Variants in PFKFB3 observed in about 807,000 individuals in gnomAD.
PFKFB3 encodes 6-phosphofructo-2-kinase/fructose-2,6-biphosphatase 3.
A neutral mutation model predicts 68.0 loss-of-function variants in PFKFB3; 33 were observed. The observed-to-expected ratio is 0.49, with a 90% confidence interval of 0.37 to 0.65. The LOEUF (loss-of-function observed/expected upper bound fraction) is 0.65, where lower values mean the gene tolerates loss of function less well. Among genes scored for constraint, PFKFB3 ranks in the 30% least tolerant of loss-of-function variants. PFKFB3 has a pLI of 0.00. For missense variants in PFKFB3, 586 were observed against 712.2 expected, an observed-to-expected ratio of 0.82 and a Z score of 2.02; for synonymous variants, 315 against 288.2, an observed-to-expected ratio of 1.09 and a Z score of -0.94.
At chr10:6,180,097 C>A (rs998271033) in intron 1 of PFKFB3, among the ~76,000 whole-genome samples, 5 of 152,074 alleles carry the variant, frequency 3.3e-5, no homozygotes, top group African/African-American at 9.7e-5. Flanking sequence ...AATCCCAGCA[C>A]TTTGGGAGGC....
At chr10:6,146,419 C>A (rs1361266576) in intron 1 of PFKFB3, 4 of 1,535,564 alleles carry the variant, frequency 2.6e-6, no homozygotes, top group Non-Finnish European at 3.5e-6. Context: ...AGCCAGCAAG[C>A]AGGGGCTCTG....
chr10:6,205,495 C>T (rs1185226642), intron 1 of PFKFB3, among the ~76,000 whole-genome samples: 4 of 143,200 alleles, frequency 2.8e-5, no homozygotes, highest in African/African-American at 5.2e-5. Flanking sequence ...GGGTTTCAAG[C>T]GATTCTCGTG....
At chr10:6,296,344 C>G in the PFKFB3 span, among the ~76,000 whole-genome samples, 2 of 151,816 alleles carry the variant, frequency 1.3e-5, no homozygotes, top group African/African-American at 4.8e-5. Flanking sequence ...GACTCTCAGA[C>G]CTAGTTTAGA....
At chr10:6,198,180 A>G (rs1372748774), upstream of PFKFB3, among the ~76,000 whole-genome samples, 1 of 150,574 alleles carries the variant, frequency 6.6e-6, no homozygotes, top group Admixed American at 6.7e-5. Flanking sequence ...TGAGAGGCGG[A>G]GGTGGCAGTA....
chr10:6,146,639 G>A lies in PFKFB3; in HGVS notation c.16+1626G>A, dbSNP rs1396727307. On this transcript the variant is annotated intron_variant, in intron 1 of 14. Coordinates refer to the PFKFB3 transcript ENST00000379789. ...ACTTTTGTCGATGTAGGCTCTGGTT[G>A]GGAAACTCCTAAAAGGGACAGACTT... is the stretch of plus-strand genomic sequence containing the variant. 6 of 812,682 alleles carry A rather than the reference G, an allele frequency of 7.4e-6. No homozygotes were observed. The Admixed American group carries it at 8.0e-5, about 11-fold the overall frequency. 50.3% of individuals were successfully genotyped at this position (812,682 alleles called of 1,614,324 possible).
chr10:6,176,800 G>A (rs1235524786), intron 1 of PFKFB3, among the ~76,000 whole-genome samples: 2 of 152,182 alleles, frequency 1.3e-5, no homozygotes, highest in African/African-American at 4.8e-5. Flanking sequence ...GCTGTCTCCG[G>A]TTCCACTTTC....
In PFKFB3 at chr10:6,203,162, G is replaced by C; in HGVS notation, c.-99G>C. On this transcript the variant is annotated 5_prime_UTR_variant, in exon 1 of 15. Transcript: ENST00000379775. ...AACGCCCGGCCGCGCGCCGGCGCAC[G>C]CCCCCCTCTCCTCCTTTGTTCCGGG... 6.6e-7 allele frequency: 1 copy of C among 1,515,254 alleles called. No homozygotes were observed. The highest frequency in any genetic ancestry group is 8.8e-7 in the Non-Finnish European group (1 of 1,134,196). 93.9% of individuals were successfully genotyped at this position (1,515,254 alleles called of 1,614,324 possible).
At chr10:6,237,057 C>T (rs1846028314), downstream of PFKFB3, among the ~76,000 whole-genome samples, 1 of 152,236 alleles carries the variant, frequency 6.6e-6, no homozygotes, top group Non-Finnish European at 1.5e-5. Flanking sequence ...TTCGAACTTG[C>T]CAACGTGCAC....
At chr10:6,296,403 T>G in the PFKFB3 span, among the ~76,000 whole-genome samples, 2 of 152,330 alleles carry the variant, frequency 1.3e-5, no homozygotes, top group South Asian at 4.1e-4. Flanking sequence ...GAGAGGGTTC[T>G]TGGATCTCAC....
intron 1 of PFKFB3, among the ~76,000 whole-genome samples, chr10:6,153,176 AAAAGAAAG>A (rs57247558): frequency 0.44 from 47,609 of 107,690 alleles, 8,332 homozygotes; most frequent in South Asian, 0.58. Flanking sequence ...TGTCTCAGAA[AAAAGAAAG>A]AAAGAAAGAA....
At chr10:6,251,271 G>A (rs905634205) in intron 14 of PFKFB3, among the ~76,000 whole-genome samples, 3 of 152,148 alleles carry the variant, frequency 2.0e-5, no homozygotes, top group African/African-American at 7.2e-5. Flanking sequence ...CCCTTAGTCT[G>A]TGGCAAAACC....
At chr10:6,268,944 G>A in the PFKFB3 span, among the ~76,000 whole-genome samples, 6 of 146,256 alleles carry the variant, frequency 4.1e-5, no homozygotes, top group Non-Finnish European at 8.9e-5. Flanking sequence ...GATCACCTGA[G>A]CCCAGGAAGT....
At chr10:6,190,376 A>G (rs1358241367) in intron 1 of PFKFB3, among the ~76,000 whole-genome samples, 1 of 152,092 alleles carries the variant, frequency 6.6e-6, no homozygotes, top group Non-Finnish European at 1.5e-5. Flanking sequence ...TTGATATTCT[A>G]CTCTAAGGAA....
At chr10:6,219,457 T>G in intron 6 of PFKFB3, 112 bp from the exon 7 acceptor site, 1 of 1,172,436 alleles carries the variant, frequency 8.5e-7, no homozygotes. Flanking sequence ...GGCCGGATAA[T>G]CTTTATACTG....
the PFKFB3 span, among the ~76,000 whole-genome samples, chr10:6,281,346 A>G: frequency 1.3e-5 from 2 of 151,842 alleles, no homozygotes; most frequent in South Asian, 2.1e-4. Context: ...AACTTTACTT[A>G]CTAACACAGA....
chr10:6,194,446 G>T (rs637041), intron 1 of PFKFB3, among the ~76,000 whole-genome samples: 79,101 of 152,156 alleles, frequency 0.52, 23,726 homozygotes, highest in Non-Finnish European at 0.67. Context: ...CCTGAAGGAT[G>T]CCTGTTTCAA....
chr10:6,258,460 G>A (rs1846511159), downstream of PFKFB3, among the ~76,000 whole-genome samples: 1 of 152,228 alleles, frequency 6.6e-6, no homozygotes, highest in Non-Finnish European at 1.5e-5. Flanking sequence ...GGACCAGACA[G>A]GCCACACTAA....
intron 14 of PFKFB3, among the ~76,000 whole-genome samples, chr10:6,248,652 A>AAAAAAAAG (rs71390202): frequency 5.5e-5 from 5 of 91,578 alleles, no homozygotes; most frequent in Admixed American, 3.4e-4. Flanking sequence ...AAAAAAAAAA[A>AAAAAAAAG]GGCAGGGGAT....
At position 6,212,527 on chromosome 10, in the gene PFKFB3, C is replaced by T. The variant is rs183469173; in HGVS notation, c.77-1096C>T. On this transcript the variant is annotated intron_variant, in intron 1 of 14. Coordinates refer to ENST00000379775, the MANE Select transcript of PFKFB3 (RefSeq NM_004566.4). Reference sequence around the variant, plus strand: ...CCTCGGCAGGGCCCCAGCATTCATCCGAGCCTGGCACCAGAAGAGGGGGTC... The same window carrying T: ...CCTCGGCAGGGCCCCAGCATTCATCTGAGCCTGGCACCAGAAGAGGGGGTC... Among the ~76,000 whole-genome samples, 65 of 152,270 alleles carry T rather than the reference C, an allele frequency of 4.3e-4. No individual in the cohort carries two copies. The East Asian group carries it at 7.1e-3, about 17-fold the overall frequency.
Sources: allele counts gnomAD v4.1 joint callset (sites outside exome capture counted in the v4.1 genomes callset), GRCh38; gene constraint gnomAD v4.1.1; transcripts MANE v1.5; gene names NCBI Gene and HGNC (gene_info 2026-07-23, HGNC 2026-07-21).